The following PELI2 variants were observed in gnomAD, a reference collection of about 807,000 sequenced individuals.
PELI2 encodes pellino E3 ubiquitin protein ligase family member 2, also known as E3 ubiquitin-protein ligase pellino homolog 2.
PELI2 carries 23 observed loss-of-function variants against 42.3 expected under a neutral mutation model. That is an observed-to-expected ratio of 0.54 (90% CI 0.39 to 0.77). The LOEUF (loss-of-function observed/expected upper bound fraction) is 0.77, where lower values mean the gene tolerates loss of function less well. Ranked by LOEUF, PELI2 falls within the 30% of genes least tolerant of loss-of-function variation. The probability of loss-of-function intolerance (pLI) is 0.00; values close to 1 mark genes in which losing one functional copy is unlikely to be tolerated. For missense variants in PELI2, 463 were observed against 553.2 expected (o/e 0.84, Z 1.64); for synonymous variants, 245 against 212.2 (o/e 1.15, Z -1.34).
rs116649899 is a variant in PELI2, at chr14:56,143,501, A to G, written c.77+24764A>G. ...GCATCCATCAGTAGATCTTGCCTGCAAGTTATTTCTGTGATGTTTGCCTAA... is the reference window on the plus strand; with the variant it reads ...GCATCCATCAGTAGATCTTGCCTGCGAGTTATTTCTGTGATGTTTGCCTAA... On this transcript the variant is annotated intron_variant, in intron 1 of 5. Transcript: ENST00000267460. 6.3e-3 allele frequency among the ~76,000 whole-genome samples: 959 copies of G among 152,228 alleles called. 9 individuals carry two copies. The highest frequency in any genetic ancestry group is 0.022 in the African/African-American group (927 of 41,532).
chr14:56,182,471 G>C (rs557594610), intron 2 of PELI2, among the ~76,000 whole-genome samples: 1 of 152,168 alleles, frequency 6.6e-6, no homozygotes. Context: ...TTTGTTAGCT[G>C]CATGTTTTAA....
chr14:56,119,244 G>C (rs117281255), intron 1 of PELI2: 23 of 152,188 alleles, frequency 1.5e-4, no homozygotes, highest in African/African-American at 4.3e-4. Context: ...GCGCGGCGCC[G>C]TGAGCTTGGG....
At chr14:56,189,367 A>G (rs74051810) in intron 2 of PELI2, among the ~76,000 whole-genome samples, 4,431 of 152,276 alleles carry the variant, frequency 0.029, 94 homozygotes, top group East Asian at 0.096. Context: ...GTATACTTCA[A>G]AGATTATGTA....
intron 3 of PELI2, among the ~76,000 whole-genome samples, chr14:56,286,226 TGGGAAA>T (rs1282738857): frequency 1.3e-5 from 2 of 152,166 alleles, no homozygotes; most frequent in Non-Finnish European, 2.9e-5. Context: ...GCAAAATCCT[TGGGAAA>T]GGGAGAACAT....
At chr14:56,213,486 G>A (rs1886783869) in intron 2 of PELI2, among the ~76,000 whole-genome samples, 1 of 152,198 alleles carries the variant, frequency 6.6e-6, no homozygotes, top group South Asian at 2.1e-4. Flanking sequence ...CCTGGAGACA[G>A]AAAGAGGGAG....
At chr14:56,121,688 C>T (rs1883066083) in intron 1 of PELI2, among the ~76,000 whole-genome samples, 2 of 152,174 alleles carry the variant, frequency 1.3e-5, no homozygotes, top group African/African-American at 2.4e-5. Flanking sequence ...TGAATAAGCC[C>T]TTCTCTCTTG....
intron 1 of PELI2, among the ~76,000 whole-genome samples, chr14:56,128,859 G>A (rs1883378198): frequency 6.6e-6 from 1 of 151,840 alleles, no homozygotes; most frequent in East Asian, 1.9e-4. Context: ...ACAGGGTTTC[G>A]TGTACAGTAG....
In PELI2 at chr14:56,300,081, A is replaced by AT. The variant is rs1223516398; in HGVS notation, c.*2922dup. ...CCCTGCAGAGTATTAAGGTTTCTGG[A>AT]TTTTTTTCTCCCAACTGTGGCCCAA... On this transcript the variant is annotated 3_prime_UTR_variant, in exon 6 of 6. Coordinates refer to ENST00000267460, the MANE Select transcript of PELI2 (RefSeq NM_021255.3). The AT allele has an allele frequency of 6.6e-6, 1 of 152,520 alleles. No individual in the cohort carries two copies. Among genetic ancestry groups the AT allele is most frequent in the Non-Finnish European group, 1.5e-5 (1 of 68,010 alleles). 9.4% of individuals were successfully genotyped at this position (152,520 alleles called of 1,614,324 possible). A position where few individuals can be genotyped will look rare whatever the true frequency, so the allele number is the denominator to read the frequency against.
At chr14:56,270,973 T>A (rs1889084416) in intron 2 of PELI2, among the ~76,000 whole-genome samples, 1 of 152,202 alleles carries the variant, frequency 6.6e-6, no homozygotes, top group Non-Finnish European at 1.5e-5. Flanking sequence ...GGTAGTCATA[T>A]TGAGAAAGCC....
chr14:56,260,009 T>G (rs1270370503), intron 2 of PELI2, among the ~76,000 whole-genome samples: 1 of 152,136 alleles, frequency 6.6e-6, no homozygotes, highest in Non-Finnish European at 1.5e-5. Context: ...TGGATATTAT[T>G]GACATACCAT....
In PELI2 at chr14:56,249,894, AT is replaced by A. The variant is rs536802252; in HGVS notation, c.208-29777del. On this transcript the variant is annotated intron_variant, in intron 2 of 5. Transcript: ENST00000267460. ...ATGCGAATCTTGATGTCACTGAAAT[AT>A]TTTTGAGGTGGGGAGAGCATTTTTG... 2.8e-3 allele frequency among the ~76,000 whole-genome samples: 428 copies of A among 152,276 alleles called. 4 individuals carry two copies. The highest frequency in any genetic ancestry group is 4.0e-3 in the Non-Finnish European group (269 of 68,024).
Position 56,223,244 on chromosome 14 carries a change from G to A in PELI2, c.207+44780G>A, listed in dbSNP as rs570260427. Among the ~76,000 whole-genome samples the A allele has an allele frequency of 3.9e-5, 6 of 152,280 alleles. No homozygotes were observed. The East Asian group carries it at 7.7e-4, about 20-fold the overall frequency. On this transcript the variant is annotated intron_variant, in intron 2 of 5. Transcript: ENST00000267460. ...TTCCTTAACCGTAACTCCCTCTCTG[G>A]TCTTAATTTCTAACTTCAGAGCTTA...
chr14:56,186,852 A>G (rs1885785851), intron 2 of PELI2, among the ~76,000 whole-genome samples: 1 of 152,210 alleles, frequency 6.6e-6, no homozygotes, highest in Admixed American at 6.5e-5. Context: ...TGCTTTTAAC[A>G]TGTCAGTGCG....
At chr14:56,181,877 T>C (rs1885598483) in intron 2 of PELI2, among the ~76,000 whole-genome samples, 1 of 151,908 alleles carries the variant, frequency 6.6e-6, no homozygotes, top group Admixed American at 6.6e-5. Context: ...TGTGTGTTTT[T>C]AAATTAAAAG....
chr14:56,265,462 AAGT>A (rs1168930035), intron 2 of PELI2, among the ~76,000 whole-genome samples: 7 of 152,158 alleles, frequency 4.6e-5, no homozygotes, highest in Admixed American at 2.0e-4. Context: ...CGTGTACAAA[AAGT>A]AGTTCATCAT....
chr14:56,220,156 G>A (rs1953210), intron 2 of PELI2, among the ~76,000 whole-genome samples: 60,834 of 152,090 alleles, frequency 0.4, 13,040 homozygotes, highest in South Asian at 0.53. Context: ...CACAACAGAC[G>A]TGTCCCAGCT....
chr14:56,252,086 T>TTGTTTGTTCAGCAAA (rs1284652616), intron 2 of PELI2, among the ~76,000 whole-genome samples: 3 of 152,218 alleles, frequency 2.0e-5, no homozygotes, highest in African/African-American at 7.2e-5. Flanking sequence ...CTTCAATAAT[T>TTGTTTGTTCAGCAAA]TGTTTGTTCA....
chr14:56,159,010 A>G (rs1202363785), intron 1 of PELI2, among the ~76,000 whole-genome samples: 1 of 152,208 alleles, frequency 6.6e-6, no homozygotes, highest in African/African-American at 2.4e-5. Context: ...CTGAAAGAGT[A>G]TTCTTTATAT....
chr14:56,153,806 G>A (rs1037144888), intron 1 of PELI2, among the ~76,000 whole-genome samples: 3 of 152,144 alleles, frequency 2.0e-5, no homozygotes, highest in African/African-American at 7.2e-5. Context: ...CTTTTCTTGT[G>A]CTAGAGATAA....
Sources: gnomAD v4.1 joint callset for allele counts (sites outside exome capture counted in the v4.1 genomes callset) on GRCh38, gnomAD v4.1.1 for gene constraint, MANE v1.5 for transcripts, NCBI Gene and HGNC (gene_info 2026-07-23, HGNC 2026-07-21) for gene names.